The following FANCB variants were observed in gnomAD, a reference collection of about 807,000 sequenced individuals.
The protein encoded by FANCB is Fanconi anemia group B protein.
In FANCB, 5 loss-of-function variants were observed where a neutral mutation model predicts 38.9. That is an observed-to-expected ratio of 0.13 (90% CI 0.07 to 0.27). The LOEUF is 0.27. Ranked by LOEUF, FANCB falls within the 10% of genes least tolerant of loss-of-function variation. The pLI, the probability that FANCB is intolerant of heterozygous loss-of-function variation, is 1.00. For synonymous variants in FANCB, 236 were observed against 215.4 expected (o/e 1.10, Z -0.84); for missense variants, 573 against 602.7 (o/e 0.95, Z 0.52).
chrX:14,833,674 T>TAG (rs1375297861), downstream of FANCB, among the ~76,000 whole-genome samples: 1 of 103,618 alleles, frequency 9.7e-6, no homozygotes, highest in Non-Finnish European at 2.0e-5. Context: ...AGGCTGGGTG[T>TAG]GGGGGGGGTT....
chrX:14,772,399 G>T, the FANCB span, among the ~76,000 whole-genome samples: 1 of 112,352 alleles, frequency 8.9e-6, no homozygotes, highest in African/African-American at 3.2e-5. Context: ...TGGCAAGGCA[G>T]CTATGCTTCA....
At chrX:14,764,484 A>T in the FANCB span, among the ~76,000 whole-genome samples, 3 of 111,855 alleles carry the variant, frequency 2.7e-5, no homozygotes, top group Non-Finnish European at 5.6e-5. Context: ...TCTCTGCCCT[A>T]TAAGTTAACC....
the FANCB span, among the ~76,000 whole-genome samples, chrX:14,717,778 G>A: frequency 9.3e-6 from 1 of 108,067 alleles, no homozygotes; most frequent in Non-Finnish European, 1.9e-5. Flanking sequence ...AATAAACAAG[G>A]ATTTATCAAG....
At chrX:14,702,900 G>A in the FANCB span, among the ~76,000 whole-genome samples, 1 of 111,552 alleles carries the variant, frequency 9.0e-6, no homozygotes, top group Admixed American at 9.5e-5. Context: ...ATACAGAGAG[G>A]AGAGGACAAG....
chrX:14,730,216 G>A, the FANCB span: 8 of 1,198,578 alleles, frequency 6.7e-6, no homozygotes, highest in East Asian at 8.9e-5. Flanking sequence ...GGAAGAAGAC[G>A]TTACTCGTGA....
At chrX:14,753,420 A>T in the FANCB span, among the ~76,000 whole-genome samples, 2 of 112,660 alleles carry the variant, frequency 1.8e-5, no homozygotes, top group South Asian at 7.2e-4. Context: ...CGACTTATCT[A>T]TTGCTATGTC....
At chrX:14,835,265 G>A (rs181371119), downstream of FANCB, 144 of 500,521 alleles carry the variant, frequency 2.9e-4, no homozygotes, top group African/African-American at 2.4e-3. Context: ...GTTCACAACC[G>A]AAAAGTTAGT....
At chrX:14,713,832 G>A in the FANCB span, among the ~76,000 whole-genome samples, 2 of 111,195 alleles carry the variant, frequency 1.8e-5, no homozygotes, top group Non-Finnish European at 3.8e-5. Flanking sequence ...GGACTTATGA[G>A]GAGAACCACT....
chrX:14,818,388 A>G, the FANCB span, among the ~76,000 whole-genome samples: 6 of 109,263 alleles, frequency 5.5e-5, no homozygotes, highest in African/African-American at 2.0e-4. Context: ...AAAAAAAAAA[A>G]AAAGAGAGAG....
At chrX:14,737,613 T>A in the FANCB span, among the ~76,000 whole-genome samples, 1 of 111,965 alleles carries the variant, frequency 8.9e-6, no homozygotes, top group Non-Finnish European at 1.9e-5. Context: ...TCAAGAGAAC[T>A]GACTGGAAGT....
chrX:14,712,893 C>T, the FANCB span, among the ~76,000 whole-genome samples: 3 of 111,891 alleles, frequency 2.7e-5, no homozygotes, highest in African/African-American at 9.7e-5. Context: ...AAAGTAATAG[C>T]CTCTGCTTCC....
the FANCB span, among the ~76,000 whole-genome samples, chrX:14,735,010 T>C: frequency 9.2e-6 from 1 of 108,776 alleles, no homozygotes; most frequent in Non-Finnish European, 1.9e-5. Context: ...TTTCTTCTAC[T>C]TGATCACTTT....
chrX:14,792,113 A>G, the FANCB span, among the ~76,000 whole-genome samples: 3 of 111,941 alleles, frequency 2.7e-5, no homozygotes, highest in Non-Finnish European at 5.6e-5. Flanking sequence ...AAAATGTATG[A>G]TAGAACTGCC....
At chrX:14,703,408 T>A in the FANCB span, among the ~76,000 whole-genome samples, 2 of 111,722 alleles carry the variant, frequency 1.8e-5, no homozygotes, top group Non-Finnish European at 3.8e-5. Context: ...TCCATTGCCA[T>A]GTGTACCTCT....
chrX:14,690,663 C>T, the FANCB span: 65 of 749,186 alleles, frequency 8.7e-5, no homozygotes, highest in South Asian at 1.9e-4. Flanking sequence ...CTTTCTTTCT[C>T]TCTCTCTCTC....
intron 7 of FANCB, among the ~76,000 whole-genome samples, chrX:14,849,036 T>C: frequency 9.0e-6 from 1 of 111,289 alleles, no homozygotes; most frequent in South Asian, 3.8e-4. Flanking sequence ...AATAGGTAAT[T>C]CCAAATTTAC....
chrX:14,859,225 A>C lies in FANCB; in HGVS notation c.1061T>G (p.Leu354Arg). 8.4e-7 allele frequency: 1 copy of C among 1,187,805 alleles called. No individual in the cohort carries two copies. Among genetic ancestry groups the C allele is most frequent in the Non-Finnish European group, 1.1e-6 (1 of 874,502 alleles). ...AAGATCCGTTATTTTAAATGAAGTC[A>C]GGCAGTCTGAGTTCAAGGAGTCCTT... ...LFKDSLNSDC[L>R]TSFKITDLGK... is the part of the protein sequence containing the mutation. Residue 354 changes from leucine (L) to arginine (R), a missense_variant, in exon 4 of 10, where the codon CTG (leucine) becomes CGG (arginine). Leu to Arg is a moderately radical substitution (Grantham distance 102). Transcript: ENST00000650831.
the FANCB span, among the ~76,000 whole-genome samples, chrX:14,806,788 G>A: frequency 2.6e-4 from 29 of 112,015 alleles, no homozygotes; most frequent in African/African-American, 9.4e-4. Flanking sequence ...AATATACAAT[G>A]ATAAATACAC....
intron 6 of FANCB, among the ~76,000 whole-genome samples, chrX:14,852,410 G>C (rs1033518300): frequency 4.5e-5 from 5 of 110,180 alleles, no homozygotes; most frequent in African/African-American, 1.7e-4. Context: ...CTCGTGATCC[G>C]CCCGTCTCGG....
Sources: allele counts gnomAD v4.1 joint callset (sites outside exome capture counted in the v4.1 genomes callset), GRCh38; gene constraint gnomAD v4.1.1; transcripts MANE v1.5; gene names NCBI Gene and HGNC (gene_info 2026-07-23, HGNC 2026-07-21).